Variants in PIK3C2G observed in about 807,000 individuals in gnomAD.
PIK3C2G encodes the protein phosphatidylinositol-4-phosphate 3-kinase catalytic subunit type 2 gamma.
In PIK3C2G, 168 loss-of-function variants were observed where a neutral mutation model predicts 181.1. That is an observed-to-expected ratio of 0.93 (90% confidence interval 0.82 to 1.05). The LOEUF (loss-of-function observed/expected upper bound fraction) is 1.05. Among genes scored for constraint, PIK3C2G ranks in the 50% least tolerant of loss-of-function variants. The probability of loss-of-function intolerance (pLI) is 0.00; values close to 1 mark genes in which losing one functional copy is unlikely to be tolerated. For synonymous variants in PIK3C2G, 573 were observed against 592.2 expected, an observed-to-expected ratio of 0.97 and a Z score of 0.47; for missense variants, 1,869 against 1,732.8, an observed-to-expected ratio of 1.08 and a Z score of -1.40.
chr12:18,396,577 T>C (rs1430636979), intron 15 of PIK3C2G, among the ~76,000 whole-genome samples: 3 of 151,754 alleles, frequency 2.0e-5, no homozygotes, highest in Admixed American at 6.6e-5. Flanking sequence ...TATTTTTACA[T>C]AGCATGATTA....
chr12:18,467,029 G>T (rs1013571306), intron 18 of PIK3C2G, among the ~76,000 whole-genome samples: 10 of 151,900 alleles, frequency 6.6e-5, no homozygotes, highest in Non-Finnish European at 1.2e-4. Context: ...TTTTTATTGA[G>T]TTCACTTTTG....
At chr12:18,371,513 A>AGGTCG in intron 13 of PIK3C2G, among the ~76,000 whole-genome samples, 1 of 152,306 alleles carries the variant, frequency 6.6e-6, no homozygotes, top group East Asian at 1.9e-4. Context: ...ACTCATGCTG[A>AGGTCG]ACTTGTCAGC....
intron 30 of PIK3C2G, among the ~76,000 whole-genome samples, chr12:18,608,906 G>C (rs984418644): frequency 6.6e-6 from 1 of 152,034 alleles, no homozygotes; most frequent in African/African-American, 2.4e-5. Flanking sequence ...TCTGTGCAGG[G>C]GGTGGGAGGA....
chr12:18,438,452 CCTT>C (rs1946562887), intron 18 of PIK3C2G, among the ~76,000 whole-genome samples: 2 of 151,902 alleles, frequency 1.3e-5, no homozygotes, highest in Non-Finnish European at 2.9e-5. Context: ...TTTGACTACT[CCTT>C]CTTGTCTTGA....
chr12:18,650,698 GTGTGTGTATA>G (rs1950435126), downstream of PIK3C2G, among the ~76,000 whole-genome samples: 9 of 29,106 alleles, frequency 3.1e-4, no homozygotes, highest in African/African-American at 1.2e-3. Flanking sequence ...GTGTGTGTGT[GTGTGTGTATA>G]TATCTATATA....
intron 1 of PIK3C2G, among the ~76,000 whole-genome samples, chr12:18,279,360 G>T (rs1213880992): frequency 6.6e-6 from 1 of 151,894 alleles, no homozygotes; most frequent in Non-Finnish European, 1.5e-5. Flanking sequence ...CAGAGTAGGT[G>T]CTCAAAAAAT....
In PIK3C2G at chr12:18,255,252, T is replaced by TAAATAAATAAATAAAC. The variant is rs1555136296; in HGVS notation, c.-79+7173_-79+7174insTAAATAAATAAACAAA. Among the ~76,000 whole-genome samples, 1,082 of 143,690 alleles carry TAAATAAATAAATAAAC rather than the reference T, an allele frequency of 7.5e-3. 10 individuals are homozygous for TAAATAAATAAATAAAC. The highest frequency in any genetic ancestry group is 0.018 in the Middle Eastern group (5 of 284). 94.3% of individuals were successfully genotyped at this position (143,690 alleles called of 152,430 possible). ...ATAAATAAATAAATAAATAAATAAA[T>TAAATAAATAAATAAAC]AAACAAACAAACAAACAAATAAATG... is the stretch of plus-strand genomic sequence containing the variant. On this transcript the variant is annotated intron_variant, in intron 1 of 11. Transcript: ENST00000535651.
intron 31 of PIK3C2G, among the ~76,000 whole-genome samples, chr12:18,638,815 C>A (rs1449933870): frequency 6.6e-6 from 1 of 152,090 alleles, no homozygotes. Context: ...TTTCCAGAAA[C>A]ATGTTTTACC....
rs143766572 is a variant in PIK3C2G at position 18,622,415 on chromosome 12, C to T, written c.4182+12786C>T. Reference sequence around the variant, plus strand: ...TTTTCTTTTGAGGTTTAATAATATTCCATTGTACACAAACACCACATTTTC... The same window carrying T: ...TTTTCTTTTGAGGTTTAATAATATTTCATTGTACACAAACACCACATTTTC... On this transcript the variant is annotated intron_variant, in intron 31 of 32. Coordinates refer to ENST00000538779, the MANE Select transcript of PIK3C2G (RefSeq NM_001288772.2). Among the ~76,000 whole-genome samples the T allele has an allele frequency of 7.1e-3, 1,077 of 151,948 alleles. 6 individuals carry two copies. The highest frequency in any genetic ancestry group is 9.9e-3 in the African/African-American group (413 of 41,522).
At chr12:18,448,214 T>C (rs1313149088) in intron 18 of PIK3C2G, among the ~76,000 whole-genome samples, 2 of 152,188 alleles carry the variant, frequency 1.3e-5, no homozygotes, top group Non-Finnish European at 2.9e-5. Flanking sequence ...TAATTTGATT[T>C]CAGTTTGTGT....
Position 18,598,118 on chromosome 12 carries a change from T to A in PIK3C2G, c.4087+3549T>A, listed in dbSNP as rs976698621. ...AATGCCATCCCCATCAAGCTACCAATGACTTTCTTCACAGAATTGGAAACA... is the reference window on the plus strand; with the variant it reads ...AATGCCATCCCCATCAAGCTACCAAAGACTTTCTTCACAGAATTGGAAACA... On this transcript the variant is annotated intron_variant, in intron 30 of 32. Coordinates refer to ENST00000538779, the MANE Select transcript of PIK3C2G (RefSeq NM_001288772.2). Among the ~76,000 whole-genome samples the A allele has an allele frequency of 2.6e-5, 4 of 152,230 alleles. No individual in the cohort carries two copies. In the East Asian group the frequency reaches 7.7e-4, roughly 29 times the overall value.
At chr12:18,359,385 G>A (rs1941036395) in intron 11 of PIK3C2G, among the ~76,000 whole-genome samples, 1 of 152,138 alleles carries the variant, frequency 6.6e-6, no homozygotes. Context: ...TTTCCTGTTT[G>A]CTTCAGAAGA....
chr12:18,460,303 G>T (rs1947845752), intron 18 of PIK3C2G, among the ~76,000 whole-genome samples: 2 of 152,144 alleles, frequency 1.3e-5, no homozygotes, highest in Non-Finnish European at 1.5e-5. Flanking sequence ...TCCAGGTGCG[G>T]TGGCTCACTC....
chr12:18,726,525 A>T, the PIK3C2G span, among the ~76,000 whole-genome samples: 1 of 152,146 alleles, frequency 6.6e-6, no homozygotes, highest in Non-Finnish European at 1.5e-5. Context: ...CTTAATTACT[A>T]TACGTTTAAA....
chr12:18,536,720 T>C (rs1232591828), intron 24 of PIK3C2G, among the ~76,000 whole-genome samples: 1 of 152,116 alleles, frequency 6.6e-6, no homozygotes, highest in Admixed American at 6.6e-5. Flanking sequence ...TCTCATGTTT[T>C]CAACATCTCT....
intron 5 of PIK3C2G, among the ~76,000 whole-genome samples, chr12:18,312,921 G>T (rs906653475): frequency 6.6e-6 from 1 of 151,904 alleles, no homozygotes; most frequent in Non-Finnish European, 1.5e-5. Flanking sequence ...TCATTTTACA[G>T]ATTAATGGTC....
chr12:18,533,543 C>CAT (rs1384023938), intron 24 of PIK3C2G, among the ~76,000 whole-genome samples: 1 of 152,114 alleles, frequency 6.6e-6, no homozygotes, highest in Non-Finnish European at 1.5e-5. Flanking sequence ...CTGATCTGCT[C>CAT]ATATATACCC....
intron 29 of PIK3C2G, among the ~76,000 whole-genome samples, chr12:18,567,712 A>C (rs1375979042): frequency 1.3e-5 from 2 of 151,996 alleles, no homozygotes; most frequent in African/African-American, 4.8e-5. Flanking sequence ...GTGTCTCAAC[A>C]ATATAAGAAA....
At chr12:18,712,842 C>T in the PIK3C2G span, 1 of 1,613,556 alleles carries the variant, frequency 6.2e-7, no homozygotes, top group Non-Finnish European at 8.5e-7. Context: ...ATGTACATAC[C>T]ATGAATGCAT....
Sources: allele counts gnomAD v4.1 joint callset (sites outside exome capture counted in the v4.1 genomes callset), GRCh38; gene constraint gnomAD v4.1.1; transcripts MANE v1.5; gene names NCBI Gene and HGNC (gene_info 2026-07-23, HGNC 2026-07-21).